Variants in SLC27A2 observed in about 807,000 individuals in gnomAD.
The protein encoded by SLC27A2 is long-chain fatty acid transport protein 2.
In SLC27A2, 54 loss-of-function variants were observed where a neutral mutation model predicts 60.0. The ratio of observed to expected loss-of-function variants is 0.90; its 90% CI spans 0.72 to 1.13. The LOEUF (loss-of-function observed/expected upper bound fraction) is 1.13. Ranked by LOEUF, SLC27A2 falls within the 50% of genes most tolerant of loss-of-function variation. SLC27A2 has a pLI of 0.00. For synonymous variants in SLC27A2, 297 were observed against 297.6 expected, an observed-to-expected ratio of 1.00 and a Z score of 0.02; for missense variants, 739 against 777.6, an observed-to-expected ratio of 0.95 and a Z score of 0.59.
chr15:50,226,071 T>C lies in SLC27A2; in HGVS notation c.1251T>C (p.Val417=). The change falls in exon 6 of 10, where the codon GTT becomes GTC. Residue 417 remains valine (V), a synonymous_variant. Coordinates refer to ENST00000267842, the MANE Select transcript of SLC27A2 (RefSeq NM_003645.4). ...VRDENGYCVR[V]PKGEVGLLVC... ...ATGAAAATGGATATTGCGTCAGAGT[T>C]CCCAAAGGTACAGTGGACTTTTGTT... 1 of 1,604,252 alleles carries C rather than the reference T, an allele frequency of 6.2e-7. No homozygotes were observed. Among genetic ancestry groups the C allele is most frequent in the East Asian group, 2.2e-5 (1 of 44,812 alleles).
intron 5 of SLC27A2, 89 bp downstream of exon 5, chr15:50,223,248 A>G: frequency 1.0e-6 from 1 of 982,836 alleles, no homozygotes; most frequent in Non-Finnish European, 1.5e-6. Context: ...TGTTATCAGA[A>G]GTCAGGCAGC....
chr15:50,231,366 C>T (rs978394265), intron 8 of SLC27A2, among the ~76,000 whole-genome samples: 4 of 151,856 alleles, frequency 2.6e-5, no homozygotes, highest in Non-Finnish European at 4.4e-5. Flanking sequence ...AGGCTGCTCT[C>T]GAACTCCTAA....
intron 4 of SLC27A2, among the ~76,000 whole-genome samples, chr15:50,220,929 A>C (rs1279349029): frequency 6.6e-6 from 1 of 152,218 alleles, no homozygotes; most frequent in Non-Finnish European, 1.5e-5. Flanking sequence ...CTGGCTGGGC[A>C]CAGTGGCTCA....
chr15:50,208,599 A>G (rs1358433970), intron 4 of SLC27A2, among the ~76,000 whole-genome samples: 2 of 152,234 alleles, frequency 1.3e-5, no homozygotes, highest in African/African-American at 2.4e-5. Context: ...GTAGCTCATA[A>G]TAAGTACCCC....
At chr15:50,231,669 T>C (rs2045317853) in intron 8 of SLC27A2, among the ~76,000 whole-genome samples, 1 of 152,200 alleles carries the variant, frequency 6.6e-6, no homozygotes, top group African/African-American at 2.4e-5. Context: ...ATGTCTTTTT[T>C]TTAATTCCCA....
intron 9 of SLC27A2, 59 bp downstream of exon 9, chr15:50,234,057 G>C: frequency 6.8e-7 from 1 of 1,466,892 alleles, no homozygotes; most frequent in Non-Finnish European, 9.2e-7. Flanking sequence ...CTACCACTTA[G>C]GGAACAACTC....
At chr15:50,233,160 A>T (rs1278350028) in intron 8 of SLC27A2, among the ~76,000 whole-genome samples, 1 of 152,156 alleles carries the variant, frequency 6.6e-6, no homozygotes, top group Admixed American at 6.5e-5. Context: ...GAGGGCACAA[A>T]ACAGCTCCTC....
rs1233540015 is a variant in SLC27A2 at position 50,214,551 on chromosome 15, CA to C, written c.973-8413del. Among the ~76,000 whole-genome samples, 11 of 152,150 alleles carry C rather than the reference CA, an allele frequency of 7.2e-5. No individual in the cohort carries two copies. In the East Asian group the frequency reaches 1.9e-3, roughly 27 times the overall value. ...TGCAGACCAATATCCTTCATGAACA[CA>C]GATGCTAAAATCCTTAACAAAATAC... is the stretch of plus-strand genomic sequence containing the variant. On this transcript the variant is annotated intron_variant, in intron 4 of 9. Coordinates refer to ENST00000267842, the MANE Select transcript of SLC27A2 (RefSeq NM_003645.4).
chr15:50,233,685 T>A (rs536752566), intron 8 of SLC27A2, among the ~76,000 whole-genome samples, 183 bp from the exon 9 acceptor site: 1 of 152,370 alleles, frequency 6.6e-6, no homozygotes, highest in East Asian at 1.9e-4. Flanking sequence ...TTCAACCAAC[T>A]GTTATTATTG....
intron 4 of SLC27A2, among the ~76,000 whole-genome samples, chr15:50,206,537 G>A (rs1302522983): frequency 6.6e-6 from 1 of 152,160 alleles, no homozygotes; most frequent in Non-Finnish European, 1.5e-5. Context: ...CTGCCCAGAT[G>A]TTGCCTCATT....
At position 50,182,655 on chromosome 15, in the gene SLC27A2, C is replaced by G. The variant is rs748533115; in HGVS notation, c.228C>G (p.Asp76Glu). 6.2e-7 allele frequency: 1 copy of G among 1,614,014 alleles called. No individual in the cohort carries two copies. The highest frequency in any genetic ancestry group is 8.5e-7 in the Non-Finnish European group (1 of 1,179,926). Reference sequence around the variant, plus strand: ...ACAAGCCTTTTCTGCTCTTCCGCGACGAGACTCTCACCTACGCGCAGGTGG... The same window carrying G: ...ACAAGCCTTTTCTGCTCTTCCGCGAGGAGACTCTCACCTACGCGCAGGTGG... ...TPHKPFLLFRDETLTYAQVDR... is the reference protein window; with the variant it reads ...TPHKPFLLFREETLTYAQVDR... The change falls in exon 1 of 10, where the codon GAC becomes GAG. Residue 76 changes from aspartate (D) to glutamate (E), a missense_variant. By Grantham distance (45) the Asp-to-Glu change is conservative. Transcript: ENST00000267842.
intron 4 of SLC27A2, among the ~76,000 whole-genome samples, chr15:50,218,796 A>T (rs776718256): frequency 9.2e-5 from 14 of 152,328 alleles, no homozygotes; most frequent in Middle Eastern, 6.8e-3. Context: ...AAAGCAGAGG[A>T]AAACACAGGA....
intron 4 of SLC27A2, among the ~76,000 whole-genome samples, chr15:50,218,455 C>T (rs1464168030): frequency 6.6e-6 from 1 of 151,950 alleles, no homozygotes; most frequent in African/African-American, 2.4e-5. Flanking sequence ...ACTGAAAGGG[C>T]TAATGGAGTA....
chr15:50,188,888 A>G lies in SLC27A2; in HGVS notation c.478+5983A>G, dbSNP rs188527195. ...GGCACAAGAATCACTTGAACCTGGG[A>G]GGTGGAGGTTGCAGTGAGCCAAGAT... On this transcript the variant is annotated intron_variant, in intron 1 of 9. Coordinates refer to ENST00000267842, the MANE Select transcript of SLC27A2 (RefSeq NM_003645.4). 1.7e-3 allele frequency among the ~76,000 whole-genome samples: 259 copies of G among 152,292 alleles called. 1 individual carries two copies. Among genetic ancestry groups the G allele is most frequent in the African/African-American group, 5.9e-3 (247 of 41,544 alleles).
Position 50,226,848 on chromosome 15 carries a change from A to T in SLC27A2, c.1259-132A>T, listed in dbSNP as rs1304752274. 7.8e-6 allele frequency: 5 copies of T among 645,078 alleles called. No individual in the cohort carries two copies. In the South Asian group the frequency reaches 7.8e-5, roughly 10 times the overall value. The allele number at this position is 645,078 out of a possible 1,614,324, so 40.0% of individuals were successfully genotyped here. On this transcript the variant is annotated intron_variant, in intron 6 of 9. Coordinates refer to ENST00000267842, the MANE Select transcript of SLC27A2 (RefSeq NM_003645.4). ...ATATGTACATATAATTCACAGGTAT[A>T]CATGCATGGAAAATGATACTTCCTA...
In SLC27A2 at chr15:50,223,032, G is replaced by A. The variant is rs775456759; in HGVS notation, c.1040G>A (p.Arg347Lys). The A allele has an allele frequency of 1.2e-6, 2 of 1,614,030 alleles. No homozygotes were observed. The highest frequency in any genetic ancestry group is 1.7e-6 in the Non-Finnish European group (2 of 1,179,950). The change falls in exon 5 of 10, where the codon AGA (arginine) becomes AAA (lysine). Residue 347 changes from arginine to lysine, a missense_variant. Transcript: ENST00000267842. ...LGNGLRGDVW[R>K]QFVKRFGDIC... is the part of the protein sequence containing the mutation. ...AATGGCTTACGAGGAGATGTGTGGA[G>A]ACAATTTGTCAAGAGATTTGGGGAC...
chr15:50,192,787 T>TAAAAAAA (rs35220625), intron 1 of SLC27A2, among the ~76,000 whole-genome samples: 22 of 136,504 alleles, frequency 1.6e-4, no homozygotes, highest in African/African-American at 5.7e-4. Flanking sequence ...ACATTTTTCT[T>TAAAAAAA]AAAAAAAAAA....
At chr15:50,188,323 G>A (rs1490297821) in intron 1 of SLC27A2, among the ~76,000 whole-genome samples, 1 of 152,182 alleles carries the variant, frequency 6.6e-6, no homozygotes, top group East Asian at 1.9e-4. Context: ...ATATTGCGAT[G>A]TAAGAACAAT....
intron 1 of SLC27A2, chr15:50,191,187 T>C (rs1409422584): frequency 2.6e-5 from 4 of 152,252 alleles, no homozygotes; most frequent in Admixed American, 1.3e-4. Context: ...AAGTGATGTA[T>C]GTAAAACTAT....
Sources: gnomAD v4.1 joint callset for allele counts (sites outside exome capture counted in the v4.1 genomes callset) on GRCh38, gnomAD v4.1.1 for gene constraint, MANE v1.5 for transcripts, NCBI Gene and HGNC (gene_info 2026-07-23, HGNC 2026-07-21) for gene names.